Variants in ZYG11A observed in about 807,000 individuals in gnomAD.
ZYG11A encodes the protein protein zyg-11 homolog A.
A neutral mutation model predicts 77.2 loss-of-function variants in ZYG11A; 62 were observed. The ratio of observed to expected loss-of-function variants is 0.80; its 90% confidence interval spans 0.65 to 0.99. ZYG11A has a LOEUF of 0.99. Ranked by LOEUF, ZYG11A falls within the 50% of genes least tolerant of loss-of-function variation. ZYG11A has a pLI of 0.00. For missense variants in ZYG11A, 828 were observed against 896.8 expected (o/e 0.92, Z 0.98); for synonymous variants, 315 against 324.6 (o/e 0.97, Z 0.32).
At chr1:52,851,055 G>A (rs1645700080) in intron 1 of ZYG11A, among the ~76,000 whole-genome samples, 1 of 146,286 alleles carries the variant, frequency 6.8e-6, no homozygotes, top group African/African-American at 2.5e-5. Context: ...TTTTTTTTTT[G>A]AGACAGGGTC....
In ZYG11A at chr1:52,894,456, T is replaced by G. The variant is rs1280287563; in HGVS notation, c.*1499T>G. 1 of 152,252 alleles carries G rather than the reference T, an allele frequency of 6.6e-6. No homozygotes were observed. The highest frequency in any genetic ancestry group is 2.4e-5 in the African/African-American group (1 of 41,476). The allele number at this position is 152,252 out of a possible 1,614,324, so 9.4% of individuals were successfully genotyped here. A position where few individuals can be genotyped will look rare whatever the true frequency, so the allele number is the denominator to read the frequency against. Reference sequence around the variant, plus strand: ...GCTTACTTGATAAGCCTTGCGGAGCTGCTCTGAGGAATAGTGTGAATTCCT... The same window carrying G: ...GCTTACTTGATAAGCCTTGCGGAGCGGCTCTGAGGAATAGTGTGAATTCCT... On this transcript the variant is annotated 3_prime_UTR_variant, in exon 14 of 14. Coordinates refer to ENST00000371528, the MANE Select transcript of ZYG11A (RefSeq NM_001004339.3).
At chr1:52,850,319 A>T (rs991330350) in intron 1 of ZYG11A, among the ~76,000 whole-genome samples, 149 of 134,110 alleles carry the variant, frequency 1.1e-3, no homozygotes, top group Non-Finnish European at 9.5e-4. Flanking sequence ...ACGCCCAGCT[A>T]TTTTTTTTTT....
intron 4 of ZYG11A, among the ~76,000 whole-genome samples, chr1:52,862,519 A>G (rs1645949018): frequency 6.6e-6 from 1 of 151,510 alleles, no homozygotes; most frequent in Non-Finnish European, 1.5e-5. Flanking sequence ...TCACCGTGTT[A>G]GCCAGGATGG....
At chr1:52,884,904 CTT>C (rs61024787) in intron 11 of ZYG11A, among the ~76,000 whole-genome samples, 2 of 145,962 alleles carry the variant, frequency 1.4e-5, no homozygotes, top group African/African-American at 5.0e-5. Context: ...CTTTTTCTTT[CTT>C]TTTTTTTTTT....
intron 1 of ZYG11A, among the ~76,000 whole-genome samples, chr1:52,854,032 T>C (rs893509818): frequency 1.3e-5 from 2 of 152,226 alleles, no homozygotes; most frequent in African/African-American, 2.4e-5. Flanking sequence ...TGCATCTGTA[T>C]TGAACATGTA....
chr1:52,865,770 CTG>C (rs1237725284), intron 5 of ZYG11A, among the ~76,000 whole-genome samples: 1 of 151,990 alleles, frequency 6.6e-6, no homozygotes, highest in Non-Finnish European at 1.5e-5. Context: ...TCTATAATGA[CTG>C]TAATTTTCCG....
intron 11 of ZYG11A, among the ~76,000 whole-genome samples, chr1:52,885,065 T>C (rs542395912): frequency 1.7e-4 from 26 of 152,162 alleles, no homozygotes; most frequent in African/African-American, 6.0e-4. Context: ...CACACCACCA[T>C]ACCCGGCTAA....
At chr1:52,869,822 C>T (rs560863095) in intron 8 of ZYG11A, among the ~76,000 whole-genome samples, 1 of 149,878 alleles carries the variant, frequency 6.7e-6, no homozygotes, top group Admixed American at 6.6e-5. Flanking sequence ...TAGGGGCGGC[C>T]GGGCAGAGGC....
intron 13 of ZYG11A, 56 bp from the exon 14 acceptor site, chr1:52,892,726 G>A (rs1413330858): frequency 1.4e-6 from 2 of 1,418,194 alleles, no homozygotes; most frequent in East Asian, 2.5e-5. Flanking sequence ...GTGGTGACAT[G>A]GGAGTATTTA....
chr1:52,886,935 T>G (rs1272944581), intron 12 of ZYG11A, 21 bp from the exon 13 acceptor site: 4 of 1,342,910 alleles, frequency 3.0e-6, no homozygotes, highest in Non-Finnish European at 4.2e-6. Flanking sequence ...ATTAACATCT[T>G]TGTACTTTTT....
intron 1 of ZYG11A, among the ~76,000 whole-genome samples, chr1:52,852,236 A>G (rs1645726741): frequency 6.6e-6 from 1 of 151,464 alleles, no homozygotes; most frequent in Non-Finnish European, 1.5e-5. Context: ...TTTGGTGAAG[A>G]TGGGGTTTCA....
At chr1:52,886,699 ATTTTTT>A (rs386366962) in intron 12 of ZYG11A, among the ~76,000 whole-genome samples, 13 of 69,134 alleles carry the variant, frequency 1.9e-4, no homozygotes, top group Admixed American at 7.2e-4. Context: ...GGCCCAGCTA[ATTTTTT>A]TTTTTTTTTT....
intron 2 of ZYG11A, among the ~76,000 whole-genome samples, chr1:52,856,652 C>T (rs1182745641): frequency 6.6e-6 from 1 of 151,934 alleles, no homozygotes; most frequent in East Asian, 1.9e-4. Flanking sequence ...TTATTTTGTT[C>T]TTCCTTTCTG....
At chr1:52,875,276 AT>A (rs1332668068) in intron 8 of ZYG11A, among the ~76,000 whole-genome samples, 1 of 152,218 alleles carries the variant, frequency 6.6e-6, no homozygotes, top group Non-Finnish European at 1.5e-5. Context: ...CCAAAACCTG[AT>A]TGGAATAGGA....
chr1:52,889,879 A>G (rs1297753089), intron 13 of ZYG11A, among the ~76,000 whole-genome samples: 1 of 150,922 alleles, frequency 6.6e-6, no homozygotes, highest in African/African-American at 2.4e-5. Flanking sequence ...GCCCGGCTAA[A>G]TTTTTTTGTA....
chr1:52,851,840 C>T (rs530950804), intron 1 of ZYG11A, among the ~76,000 whole-genome samples: 5 of 151,120 alleles, frequency 3.3e-5, no homozygotes, highest in African/African-American at 1.2e-4. Flanking sequence ...CTCCACCTCC[C>T]TCGTTCAAGT....
chr1:52,890,148 C>G (rs547203235), intron 13 of ZYG11A, among the ~76,000 whole-genome samples: 2 of 150,528 alleles, frequency 1.3e-5, no homozygotes, highest in East Asian at 3.9e-4. Flanking sequence ...CTTTGTCACC[C>G]CACCCCTATT....
chr1:52,863,096 A>G (rs968195697), intron 4 of ZYG11A, among the ~76,000 whole-genome samples: 5 of 152,204 alleles, frequency 3.3e-5, no homozygotes, highest in South Asian at 2.1e-4. Context: ...ATTGCAGATG[A>G]TGGCAATCTA....
intron 13 of ZYG11A, among the ~76,000 whole-genome samples, chr1:52,889,038 A>G (rs1053410706): frequency 1.2e-4 from 18 of 152,252 alleles, no homozygotes; most frequent in African/African-American, 4.1e-4. Flanking sequence ...TGTGCCAGGC[A>G]ATGTTGTAAG....
Sources: allele counts gnomAD v4.1 joint callset (sites outside exome capture counted in the v4.1 genomes callset), GRCh38; gene constraint gnomAD v4.1.1; transcripts MANE v1.5; gene names NCBI Gene and HGNC (gene_info 2026-07-23, HGNC 2026-07-21).